Variants in NBPF20 observed in about 807,000 individuals in gnomAD.
The protein encoded by NBPF20 is NBPF member 20.
NBPF20 carries 90 observed loss-of-function variants against 68.1 expected under a neutral mutation model. The observed-to-expected ratio is 1.32, with a 90% confidence interval of 1.11 to 1.58. The LOEUF (loss-of-function observed/expected upper bound fraction) is 1.58, where lower values mean the gene tolerates loss of function less well. Ranked by LOEUF, NBPF20 falls within the 40% of genes most tolerant of loss-of-function variation. The probability of loss-of-function intolerance (pLI) is 0.00; values close to 1 mark genes in which losing one functional copy is unlikely to be tolerated. For missense variants in NBPF20, 816 were observed against 601.2 expected (o/e 1.36, Z -3.74); for synonymous variants, 290 against 228.1 (o/e 1.27, Z -2.45).
intron 3 of NBPF20, among the ~76,000 whole-genome samples, chr1:145,402,774 G>A (rs2101580518): frequency 6.7e-6 from 1 of 149,758 alleles, no homozygotes; most frequent in South Asian, 2.2e-4. Context: ...AGGTGCAGAT[G>A]GGGCGAATTG....
chr1:145,296,064 G>C lies in NBPF20; in HGVS notation c.16138+274C>G. 2.4e-5 allele frequency: 4 copies of C among 164,230 alleles called. 2 individuals are homozygous for C. The highest frequency in any genetic ancestry group is 4.0e-5 in the Non-Finnish European group (4 of 99,726). 10.2% of individuals were successfully genotyped at this position (164,230 alleles called of 1,614,324 possible). Reference sequence around the variant, plus strand: ...AAAATTGAGACAAAATCAGAGTTGTGTGAATTTGTCACATCTGCCCAGGTC... The same window carrying C: ...AAAATTGAGACAAAATCAGAGTTGTCTGAATTTGTCACATCTGCCCAGGTC... On this transcript the variant is annotated intron_variant, in intron 132 of 137. Coordinates refer to ENST00000369373, the Ensembl canonical transcript of NBPF20.
chr1:145,393,356 G>C (rs1662009805), intron 9 of NBPF20, 110 bp from the exon 15 acceptor site: 3 of 706,426 alleles, frequency 4.2e-6, no homozygotes, highest in South Asian at 3.1e-5. Context: ...AAAAAGGACA[G>C]ATCCATTAAT....
chr1:145,291,722 T>A (rs1355898336), exon 138 of NBPF20: 3 of 1,611,884 alleles, frequency 1.9e-6, no homozygotes, highest in Non-Finnish European at 2.5e-6. Context: ...ATCCAGTGAG[T>A]CCTGTAAGAC....
chr1:145,398,491 A>C (rs1662365348), intron 7 of NBPF20, among the ~76,000 whole-genome samples: 2 of 152,168 alleles, frequency 1.3e-5, no homozygotes, highest in Non-Finnish European at 2.9e-5. Flanking sequence ...GGAAAATAAC[A>C]AAATGAAGGC....
In NBPF20 at chr1:145,366,370, A is replaced by T. The variant is rs1478517789; in HGVS notation, c.5154-18T>A. 2,257 of 63,012 alleles carry T rather than the reference A, an allele frequency of 0.036. 4 individuals carry two copies. Among genetic ancestry groups the T allele is most frequent in the African/African-American group, 0.12 (169 of 1,362 alleles). The allele number at this position is 63,012 out of a possible 1,614,324, so 3.9% of individuals were successfully genotyped here. On this transcript the variant is annotated intron_variant, in intron 43 of 137. Coordinates refer to ENST00000369373, the Ensembl canonical transcript of NBPF20. ...TGCTGAGCCTGGAAAAGGAGGAAAA[A>T]GTAAAGAATAAGCCAGGGGAAATCA...
chr1:145,403,932 A>G (rs1389754378), intron 2 of NBPF20, among the ~76,000 whole-genome samples: 1 of 150,796 alleles, frequency 6.6e-6, no homozygotes, highest in Non-Finnish European at 1.5e-5. Context: ...GAACTAATAA[A>G]TAGTGTTCAC....
chr1:145,407,491 AAT>A (rs782108426), upstream of NBPF20, among the ~76,000 whole-genome samples: 17 of 147,238 alleles, frequency 1.2e-4, no homozygotes, highest in African/African-American at 3.0e-4. Context: ...CAAACACATG[AAT>A]ATATATAATA....
exon 2 of NBPF20, chr1:145,405,195 G>T: frequency 6.2e-7 from 1 of 1,612,678 alleles, no homozygotes. Context: ...CTGCCAACTG[G>T]GGGCGCAATT....
chr1:145,291,941 T>A (rs1360813499), intron 137 of NBPF20, among the ~76,000 whole-genome samples, 172 bp from the exon 143 acceptor site: 1 of 150,230 alleles, frequency 6.7e-6, no homozygotes, highest in African/African-American at 2.5e-5. Flanking sequence ...CAGGGCCAGG[T>A]AGAAAACAAT....
intron 137 of NBPF20, among the ~76,000 whole-genome samples, chr1:145,292,177 G>A (rs587677088): frequency 1.3e-5 from 2 of 149,934 alleles, no homozygotes; most frequent in South Asian, 2.1e-4. Context: ...TTGAAGTATG[G>A]TCAACCTATG....
the NBPF20 span, among the ~76,000 whole-genome samples, chr1:145,412,431 GTACA>G: frequency 2.0e-5 from 3 of 151,908 alleles, no homozygotes; most frequent in Non-Finnish European, 4.4e-5. Flanking sequence ...CATTTTCTAT[GTACA>G]TAAAGGGAGG....
At chr1:145,306,281 A>C (rs1661406385) in intron 119 of NBPF20, among the ~76,000 whole-genome samples, 4 of 148,790 alleles carry the variant, frequency 2.7e-5, no homozygotes, top group Non-Finnish European at 3.0e-5. Flanking sequence ...ACACACACAC[A>C]CACACACACA....
intron 75 of NBPF20, among the ~76,000 whole-genome samples, chr1:145,341,199 G>A (rs1367587050): frequency 1.5e-5 from 1 of 66,392 alleles, no homozygotes; most frequent in African/African-American, 4.8e-5. Flanking sequence ...TAGTGAATTG[G>A]CCAGGTGACA....
rs1460475018 is a variant in NBPF20, at chr1:145,295,999, C to G, written c.16138+339G>C. The G allele has an allele frequency of 4.5e-4, 73 of 160,572 alleles. 24 individuals carry two copies. The highest frequency in any genetic ancestry group is 3.0e-3 in the South Asian group (64 of 21,330). The allele number at this position is 160,572 out of a possible 1,614,324, so 9.9% of individuals were successfully genotyped here. The stretch of plus-strand genomic sequence containing the variant: ...TGTTCACGGTATCGAGGATTTTAGA[C>G]GCTGAAATTAGAGTGAAGGATGAAA... On this transcript the variant is annotated intron_variant, in intron 132 of 137. Coordinates refer to ENST00000369373, the Ensembl canonical transcript of NBPF20.
chr1:145,394,573 G>T (rs1553663293), intron 8 of NBPF20, among the ~76,000 whole-genome samples: 7 of 150,144 alleles, frequency 4.7e-5, no homozygotes, highest in Admixed American at 4.0e-4. Flanking sequence ...GGCCTTGGGC[G>T]GGTAAAGAAC....
In NBPF20 at chr1:145,346,325, G is replaced by C; in HGVS notation, c.8360C>G (p.Pro2787Arg). The C allele has an allele frequency of 3.3e-5, 4 of 122,346 alleles. 1 individual carries two copies. Among genetic ancestry groups the C allele is most frequent in the South Asian group, 4.4e-5 (1 of 22,828 alleles). 7.6% of individuals were successfully genotyped at this position (122,346 alleles called of 1,614,324 possible). ...ATACACAATTGCTGAAAGTCACCTG[G>C]GGCATGGTGGGTTTTGATCTTCTTC... The change falls in exon 69 of 138, where the codon CCC (proline) becomes CGC (arginine). Residue 2787 changes from proline to arginine, a missense_variant. Physicochemically the swap from Pro to Arg is moderately radical, Grantham distance 103. Coordinates refer to ENST00000369373, the Ensembl canonical transcript of NBPF20.
intron 36 of NBPF20, 70 bp downstream of exon 41, chr1:145,372,442 T>A: frequency 3.2e-6 from 1 of 308,262 alleles, no homozygotes; most frequent in East Asian, 1.0e-4. Context: ...AAGGGCCACT[T>A]GGAACAGGAA....
chr1:145,400,117 G>C (rs1662447198), intron 6 of NBPF20, among the ~76,000 whole-genome samples: 1 of 152,290 alleles, frequency 6.6e-6, no homozygotes, highest in East Asian at 1.9e-4. Flanking sequence ...CTGAATCGAA[G>C]CTAGTAGGCC....
chr1:145,291,678 G>A lies in NBPF20; in HGVS notation c.16789C>T (p.Leu5597=), dbSNP rs372660869. Residue 5597 remains leucine, a synonymous_variant, in exon 138 of 138, where the codon CTA becomes TTA. Coordinates refer to ENST00000369373, the Ensembl canonical transcript of NBPF20. ...CTGTAGTGCTGGAATGAGTCAGGTA[G>A]TTCAAAGTACATTGACGGAGTAGAA... The A allele has an allele frequency of 2.2e-5, 36 of 1,611,836 alleles. No homozygotes were observed. The South Asian group carries it at 3.6e-4, about 16-fold the overall frequency.
Sources: gnomAD v4.1 joint callset for allele counts (sites outside exome capture counted in the v4.1 genomes callset) on GRCh38, gnomAD v4.1.1 for gene constraint, MANE v1.5 for transcripts, NCBI Gene and HGNC (gene_info 2026-07-23, HGNC 2026-07-21) for gene names.